PRKG1: variants seen among roughly 807,000 people sequenced by gnomAD.
PRKG1 encodes the protein protein kinase cGMP-dependent 1.
PRKG1 carries 35 observed loss-of-function variants against 88.1 expected under a neutral mutation model. The observed-to-expected ratio is 0.40, with a 90% CI of 0.30 to 0.53. PRKG1 has a LOEUF of 0.53. PRKG1 is among the 20% of genes least tolerant of loss of function. The pLI, the probability that PRKG1 is intolerant of heterozygous loss-of-function variation, is 0.59. For missense variants in PRKG1, 540 were observed against 839.8 expected (o/e 0.64, Z 4.41); for synonymous variants, 303 against 292.5 (o/e 1.04, Z -0.37).
chr10:51,172,148 A>G (rs1056380309), intron 2 of PRKG1, among the ~76,000 whole-genome samples: 1 of 152,108 alleles, frequency 6.6e-6, no homozygotes, highest in Non-Finnish European at 1.5e-5. Context: ...ATATTCAGTG[A>G]TGAAATAATG....
intron 9 of PRKG1, among the ~76,000 whole-genome samples, chr10:52,199,845 C>A (rs774321290): frequency 6.6e-5 from 10 of 152,160 alleles, no homozygotes; most frequent in Non-Finnish European, 1.5e-4. Flanking sequence ...AACTCTTTCT[C>A]CTACACATCC....
intron 9 of PRKG1, among the ~76,000 whole-genome samples, chr10:52,195,195 C>T (rs1839472930): frequency 6.6e-6 from 1 of 150,592 alleles, no homozygotes; most frequent in South Asian, 2.1e-4. Flanking sequence ...TCAAAGTGAG[C>T]TGGTTTAATG....
At chr10:51,321,373 ATAACTAT>A (rs1403121313) in intron 2 of PRKG1, among the ~76,000 whole-genome samples, 10 of 152,216 alleles carry the variant, frequency 6.6e-5, no homozygotes, top group African/African-American at 2.4e-4. Flanking sequence ...GAAGCAAACA[ATAACTAT>A]TAACCATACT....
intron 3 of PRKG1, among the ~76,000 whole-genome samples, chr10:51,594,019 C>A (rs1838378500): frequency 6.6e-6 from 1 of 151,894 alleles, no homozygotes; most frequent in Non-Finnish European, 1.5e-5. Flanking sequence ...GGCCACCGTG[C>A]CTGTACCCCC....
intron 3 of PRKG1, among the ~76,000 whole-genome samples, chr10:51,756,484 C>A (rs1362440727): frequency 6.9e-3 from 747 of 107,528 alleles, no homozygotes; most frequent in African/African-American, 6.6e-3. Flanking sequence ...GAGACTGTCT[C>A]AAAAAAAAAA....
intron 2 of PRKG1, among the ~76,000 whole-genome samples, chr10:51,255,659 T>C (rs1176798903): frequency 6.6e-6 from 1 of 152,110 alleles, no homozygotes; most frequent in African/African-American, 2.4e-5. Flanking sequence ...CGTTCTTTCC[T>C]GCACTGTTTT....
intron 2 of PRKG1, among the ~76,000 whole-genome samples, chr10:51,165,376 C>A (rs1846507925): frequency 6.6e-6 from 1 of 151,706 alleles, no homozygotes; most frequent in African/African-American, 2.4e-5. Flanking sequence ...CCAGGCCTGC[C>A]CTAAAAGAGC....
chr10:51,910,813 G>T (rs1842199576), intron 5 of PRKG1: 1 of 152,226 alleles, frequency 6.6e-6, no homozygotes. Context: ...TTTAAACAGG[G>T]CAAGGAGGAG....
intron 3 of PRKG1, among the ~76,000 whole-genome samples, chr10:51,783,721 T>C (rs1838655870): frequency 6.6e-6 from 1 of 152,114 alleles, no homozygotes; most frequent in East Asian, 1.9e-4. Context: ...GTAAGAACCC[T>C]CCAGGGGATT....
chr10:51,537,761 CT>C (rs1443216711), intron 3 of PRKG1, among the ~76,000 whole-genome samples: 1 of 149,540 alleles, frequency 6.7e-6, no homozygotes, highest in Admixed American at 6.7e-5. Flanking sequence ...ACTCGGGGAG[CT>C]TTTAAAACAT....
chr10:51,701,504 A>G (rs145241568), intron 3 of PRKG1, among the ~76,000 whole-genome samples: 1 of 152,232 alleles, frequency 6.6e-6, no homozygotes, highest in African/African-American at 2.4e-5. Context: ...TTTTCCTGCT[A>G]TGTCAAAGAA....
intron 2 of PRKG1, among the ~76,000 whole-genome samples, chr10:51,170,897 G>T (rs1846687216): frequency 6.6e-6 from 1 of 152,210 alleles, no homozygotes; most frequent in African/African-American, 2.4e-5. Flanking sequence ...TTGAGCAAAA[G>T]AGCACCATGC....
At chr10:51,504,467 T>A (rs1177033577) in intron 3 of PRKG1, among the ~76,000 whole-genome samples, 10 of 152,142 alleles carry the variant, frequency 6.6e-5, no homozygotes, top group African/African-American at 2.2e-4. Flanking sequence ...CTTTTTTGGT[T>A]CCATATGAAC....
chr10:51,217,682 T>A (rs1303385129), intron 2 of PRKG1, among the ~76,000 whole-genome samples: 1 of 152,156 alleles, frequency 6.6e-6, no homozygotes, highest in Non-Finnish European at 1.5e-5. Flanking sequence ...TGGCCTTAGT[T>A]CTGGGCTCAC....
intron 12 of PRKG1, among the ~76,000 whole-genome samples, chr10:52,278,886 G>A (rs1156932997): frequency 6.9e-6 from 1 of 145,880 alleles, no homozygotes; most frequent in African/African-American, 2.6e-5. Context: ...CTGGGTGACA[G>A]AGTGAGACTC....
chr10:51,565,274 A>T (rs1354020865), intron 3 of PRKG1, among the ~76,000 whole-genome samples: 1 of 152,102 alleles, frequency 6.6e-6, no homozygotes, highest in Non-Finnish European at 1.5e-5. Flanking sequence ...CTGCAATTTG[A>T]ATAAGCTCTT....
chr10:51,153,062 T>A, intron 1 of PRKG1, 102 bp from the exon 2 acceptor site: 3 of 730,514 alleles, frequency 4.1e-6, no homozygotes, highest in African/African-American at 2.1e-5. Flanking sequence ...AACAAGAAAA[T>A]ACATTTGTGG....
chr10:52,286,004 G>GA (rs545688323), intron 14 of PRKG1, among the ~76,000 whole-genome samples: 189 of 152,044 alleles, frequency 1.2e-3, no homozygotes, highest in Admixed American at 2.5e-3. Flanking sequence ...ACAAACAGGA[G>GA]AAAAAACATC....
chr10:51,884,377 G>A (rs1256476319), intron 4 of PRKG1, among the ~76,000 whole-genome samples: 1 of 135,038 alleles, frequency 7.4e-6, no homozygotes, highest in East Asian at 2.5e-4. Context: ...CCCGGGAGGC[G>A]GAGCTTGCAG....
Sources: gnomAD v4.1 joint callset for allele counts (sites outside exome capture counted in the v4.1 genomes callset) on GRCh38, gnomAD v4.1.1 for gene constraint, MANE v1.5 for transcripts, NCBI Gene and HGNC (gene_info 2026-07-23, HGNC 2026-07-21) for gene names.